The following NEU3 variants were observed in gnomAD, a reference collection of about 807,000 sequenced individuals.
NEU3 encodes sialidase-3.
NEU3 carries 10 observed loss-of-function variants against 11.4 expected under a neutral mutation model. The ratio of observed to expected loss-of-function variants is 0.88; its 90% CI spans 0.54 to 1.49. The LOEUF is 1.49. Among genes scored for constraint, NEU3 ranks in the 40% most tolerant of loss-of-function variants. NEU3 has a pLI of 0.00. For synonymous variants in NEU3, 212 were observed against 228.2 expected (o/e 0.93, Z 0.64); for missense variants, 529 against 581.8 (o/e 0.91, Z 0.93).
chr11:75,014,815 G>A (rs1948974146), downstream of NEU3, among the ~76,000 whole-genome samples: 2 of 152,100 alleles, frequency 1.3e-5, no homozygotes, highest in African/African-American at 4.8e-5. Context: ...GCTGTGAGCT[G>A]TGATTGCGCC....
At chr11:74,993,459 C>T in intron 1 of NEU3, among the ~76,000 whole-genome samples, 1 of 152,154 alleles carries the variant, frequency 6.6e-6, no homozygotes. Context: ...CCACCTTGGC[C>T]TCCCAAAGTG....
chr11:74,988,740 T>G (rs948718230), upstream of NEU3: 5 of 399,680 alleles, frequency 1.3e-5, no homozygotes, highest in Non-Finnish European at 1.4e-5. Context: ...GCCCAGGGCT[T>G]GAGCTGAGTT....
upstream of NEU3, among the ~76,000 whole-genome samples, chr11:74,987,897 T>C (rs1948686160): frequency 6.0e-5 from 1 of 16,534 alleles, no homozygotes; most frequent in South Asian, 1.1e-3. Flanking sequence ...TTTTTTTTTT[T>C]CTTTTTTTTT....
At chr11:74,996,047 C>T (rs1431208759) in intron 2 of NEU3, among the ~76,000 whole-genome samples, 5 of 151,850 alleles carry the variant, frequency 3.3e-5, no homozygotes, top group Middle Eastern at 3.2e-3. Flanking sequence ...GGCAGCTACT[C>T]GGGAGGCTGA....
At chr11:75,005,218 C>T (rs1440542117) in intron 2 of NEU3, among the ~76,000 whole-genome samples, 195 bp from the exon 3 acceptor site, 5 of 152,178 alleles carry the variant, frequency 3.3e-5, no homozygotes, top group Non-Finnish European at 5.9e-5. Context: ...GCTTGTACAA[C>T]ATTTAGCATT....
rs766698480 is a variant in NEU3 at position 74,994,576 on chromosome 11, G to T, written c.162G>T (p.Gly54=). The T allele has an allele frequency of 2.9e-5, 47 of 1,613,826 alleles. 1 individual carries two copies. The South Asian group carries it at 5.2e-4, about 18-fold the overall frequency. The change falls in exon 2 of 3, where the codon GGG becomes GGT. Residue 54 remains glycine, a synonymous_variant. Coordinates refer to ENST00000294064, the MANE Select transcript of NEU3 (RefSeq NM_006656.6). ...TGTTCCGGCAGGAAGATGACAGAGG[G>T]ATTACCTACCGGATCCCAGCCCTGC... ...SPLFRQEDDR[G]ITYRIPALLY...
chr11:75,017,801 C>A (rs1706067367), intron 3 of NEU3, among the ~76,000 whole-genome samples: 1 of 152,090 alleles, frequency 6.6e-6, no homozygotes, highest in African/African-American at 2.4e-5. Context: ...TCGAAAAAGA[C>A]CTCTGTACTG....
intron 1 of NEU3, among the ~76,000 whole-genome samples, chr11:74,992,006 G>A (rs142558626): frequency 9.8e-5 from 15 of 152,364 alleles, no homozygotes; most frequent in African/African-American, 3.4e-4. Flanking sequence ...GTGATAAGTG[G>A]TGTGGAGAAT....
At chr11:75,020,387 G>A (rs1948997844), downstream of NEU3, among the ~76,000 whole-genome samples, 1 of 152,118 alleles carries the variant, frequency 6.6e-6, no homozygotes, top group Admixed American at 6.5e-5. Flanking sequence ...ATATGATTTG[G>A]CTGTTCCACC....
intron 2 of NEU3, among the ~76,000 whole-genome samples, chr11:75,000,340 CTT>C (rs965275303): frequency 6.6e-6 from 1 of 152,112 alleles, no homozygotes; most frequent in Non-Finnish European, 1.5e-5. Flanking sequence ...ATCTTCAGAA[CTT>C]TTGATTTTTC....
chr11:74,982,466 C>T, the NEU3 span, among the ~76,000 whole-genome samples: 1 of 152,176 alleles, frequency 6.6e-6, no homozygotes, highest in Admixed American at 6.5e-5. Flanking sequence ...CTCAGCGTTC[C>T]TGGCAGATTG....
downstream of NEU3, among the ~76,000 whole-genome samples, chr11:75,019,128 A>T (rs892938503): frequency 6.6e-6 from 1 of 152,240 alleles, no homozygotes; most frequent in Non-Finnish European, 1.5e-5. Context: ...TGTTAAAGGC[A>T]TTCAATTTTA....
chr11:74,997,430 G>A (rs1046074276), intron 2 of NEU3, among the ~76,000 whole-genome samples: 1 of 152,124 alleles, frequency 6.6e-6, no homozygotes, highest in Non-Finnish European at 1.5e-5. Context: ...TTGTCTTAAG[G>A]GAATGCTATG....
upstream of NEU3, among the ~76,000 whole-genome samples, chr11:74,987,433 C>A (rs1007426803): frequency 6.6e-6 from 1 of 152,104 alleles, no homozygotes; most frequent in Non-Finnish European, 1.5e-5. Context: ...ATGTTCTAGG[C>A]TAATCTTATA....
intron 2 of NEU3, among the ~76,000 whole-genome samples, 155 bp from the exon 3 acceptor site, chr11:75,005,258 T>C (rs551943479): frequency 1.3e-5 from 2 of 152,374 alleles, no homozygotes; most frequent in East Asian, 3.9e-4. Flanking sequence ...AGTTATCCTG[T>C]AATATCCGAG....
At chr11:74,993,707 G>A (rs569971887) in intron 1 of NEU3, among the ~76,000 whole-genome samples, 2 of 152,152 alleles carry the variant, frequency 1.3e-5, no homozygotes, top group Non-Finnish European at 1.5e-5. Context: ...TATGGAGTCC[G>A]AGAAATCCAA....
chr11:74,990,267 G>T (rs753109016), intron 1 of NEU3: 1 of 429,478 alleles, frequency 2.3e-6, no homozygotes. Flanking sequence ...CCATCAAAAC[G>T]TCATGCAGCA....
At chr11:75,018,892 AAT>A (rs1269943564) in exon 4 of NEU3, 3 of 156,744 alleles carry the variant, frequency 1.9e-5, no homozygotes, top group Non-Finnish European at 4.2e-5. Flanking sequence ...AAATGCTGAT[AAT>A]GATATGGACA....
chr11:75,009,473 A>G lies in NEU3; in HGVS notation c.*2981A>G, dbSNP rs1344881216. On this transcript the variant is annotated 3_prime_UTR_variant, in exon 3 of 3. Coordinates refer to ENST00000294064, the MANE Select transcript of NEU3 (RefSeq NM_006656.6). ...CAAGGCCTTCAGGGCCCTGGGACCT[A>G]TTCCATGATAGTGGTACCCTAACTG... 6.6e-6 allele frequency: 1 copy of G among 152,236 alleles called. No individual in the cohort carries two copies. Among genetic ancestry groups the G allele is most frequent in the East Asian group, 1.9e-4 (1 of 5,202 alleles). The allele number at this position is 152,236 out of a possible 1,614,324, so 9.4% of individuals were successfully genotyped here.
Sources: allele counts gnomAD v4.1 joint callset (sites outside exome capture counted in the v4.1 genomes callset), GRCh38; gene constraint gnomAD v4.1.1; transcripts MANE v1.5; gene names NCBI Gene and HGNC (gene_info 2026-07-23, HGNC 2026-07-21).